The following CHL1 variants were observed in gnomAD, a reference collection of about 807,000 sequenced individuals.
The protein encoded by CHL1 is neural cell adhesion molecule L1-like protein.
CHL1 carries 96 observed loss-of-function variants against 141.9 expected under a neutral mutation model. That is an observed-to-expected ratio of 0.68 (90% CI 0.57 to 0.80). The LOEUF (loss-of-function observed/expected upper bound fraction) is 0.80. Ranked by LOEUF, CHL1 falls within the 30% of genes least tolerant of loss-of-function variation. CHL1 has a pLI of 0.00. For synonymous variants in CHL1, 613 were observed against 502.2 expected (o/e 1.22, Z -2.95); for missense variants, 1,820 against 1,457.2 (o/e 1.25, Z -4.05).
At chr3:352,366 G>GT (rs1431447164) in intron 10 of CHL1, among the ~76,000 whole-genome samples, 4 of 151,896 alleles carry the variant, frequency 2.6e-5, no homozygotes, top group South Asian at 2.1e-4. Flanking sequence ...GTTTTATTTT[G>GT]TTTTTTTCCT....
At chr3:367,071 T>G (rs923072226) in intron 15 of CHL1, among the ~76,000 whole-genome samples, 7 of 152,140 alleles carry the variant, frequency 4.6e-5, no homozygotes, top group Non-Finnish European at 8.8e-5. Flanking sequence ...AAAGAGAACA[T>G]ATAGAGGAAA....
At position 231,988 on chromosome 3, in the gene CHL1, C is replaced by G. The variant is rs543654526; in HGVS notation, c.-174-12625C>G. Among the ~76,000 whole-genome samples, 27 of 152,194 alleles carry G rather than the reference C, an allele frequency of 1.8e-4. No homozygotes were observed. In the South Asian group the frequency reaches 3.3e-3, roughly 19 times the overall value. ...TAATGAATGGTTTCCAACATTTTGA[C>G]TCTCCTCATGTTAAAAAATCTCTGG... On this transcript the variant is annotated intron_variant, in intron 1 of 27. Transcript: ENST00000256509.
intron 2 of CHL1, among the ~76,000 whole-genome samples, chr3:291,098 G>T (rs1697651995): frequency 1.3e-5 from 2 of 151,872 alleles, no homozygotes; most frequent in Non-Finnish European, 2.9e-5. Flanking sequence ...CTTTTTTGCT[G>T]TAAACCAGGG....
At chr3:315,115 T>C (rs1033247757) in intron 2 of CHL1, among the ~76,000 whole-genome samples, 1 of 152,176 alleles carries the variant, frequency 6.6e-6, no homozygotes, top group African/African-American at 2.4e-5. Context: ...ATATCCTCAT[T>C]GCCACTATCA....
intron 5 of CHL1, among the ~76,000 whole-genome samples, chr3:329,154 G>A (rs544970804): frequency 1.8e-4 from 27 of 152,022 alleles, no homozygotes; most frequent in South Asian, 6.2e-4. Flanking sequence ...ATTTTATCAC[G>A]TTTTCCCCCT....
intron 16 of CHL1, among the ~76,000 whole-genome samples, chr3:381,510 T>C (rs1707038611): frequency 6.6e-6 from 1 of 152,148 alleles, no homozygotes; most frequent in Non-Finnish European, 1.5e-5. Context: ...GGAGAGCAAA[T>C]GCTATAGGCA....
In CHL1 at chr3:291,024, A is replaced by G. The variant is rs138782354; in HGVS notation, c.-94-28659A>G. On this transcript the variant is annotated intron_variant, in intron 2 of 27. Coordinates refer to ENST00000256509, the MANE Select transcript of CHL1 (RefSeq NM_006614.4). ...TATTTTGAGGATTTTAATTTTGCTT[A>G]ATAACATAGTCATTGAAATTAATTT... Among the ~76,000 whole-genome samples the G allele has an allele frequency of 6.0e-4, 92 of 152,188 alleles. 1 individual carries two copies. Among genetic ancestry groups the G allele is most frequent in the Admixed American group, 4.4e-3 (67 of 15,292 alleles).
At chr3:226,716 A>G (rs577700113) in intron 1 of CHL1, among the ~76,000 whole-genome samples, 1 of 152,054 alleles carries the variant, frequency 6.6e-6, no homozygotes, top group Non-Finnish European at 1.5e-5. Flanking sequence ...CAAAGTGCTG[A>G]GATTACAGGC....
At chr3:322,165 A>T (rs1700612043) in intron 3 of CHL1, among the ~76,000 whole-genome samples, 1 of 152,134 alleles carries the variant, frequency 6.6e-6, no homozygotes, top group Admixed American at 6.6e-5. Context: ...GTAGTCAGAA[A>T]CAAAGTAAAT....
At chr3:354,834 G>A (rs1416983027) in intron 11 of CHL1, 63 bp downstream of exon 11, 13 of 1,579,940 alleles carry the variant, frequency 8.2e-6, no homozygotes, top group Non-Finnish European at 1.1e-5. Flanking sequence ...ATTAATGATG[G>A]TCAGACGTGT....
intron 1 of CHL1, among the ~76,000 whole-genome samples, chr3:223,466 G>T (rs553209757): frequency 3.9e-5 from 6 of 152,258 alleles, no homozygotes; most frequent in African/African-American, 1.2e-4. Flanking sequence ...CTGCAACTGT[G>T]TAAGGAATAA....
chr3:232,366 T>C (rs1300311869), intron 1 of CHL1, among the ~76,000 whole-genome samples: 2 of 152,206 alleles, frequency 1.3e-5, no homozygotes, highest in Non-Finnish European at 1.5e-5. Context: ...TTTGTACCTT[T>C]TCTACCTTGC....
At chr3:344,826 T>A in intron 9 of CHL1, 117 bp downstream of exon 9, 2 of 1,099,598 alleles carry the variant, frequency 1.8e-6, no homozygotes, top group Non-Finnish European at 1.3e-6. Context: ...CTTAAAAAAA[T>A]TAAATTCTGC....
At chr3:340,992 A>G in intron 6 of CHL1, 76 bp downstream of exon 6, 1 of 1,421,448 alleles carries the variant, frequency 7.0e-7, no homozygotes. Context: ...TAATGAATCC[A>G]AAGACAAAAT....
intron 2 of CHL1, among the ~76,000 whole-genome samples, chr3:274,801 A>T (rs1390996239): frequency 6.6e-6 from 1 of 152,170 alleles, no homozygotes; most frequent in Non-Finnish European, 1.5e-5. Flanking sequence ...TGTTTCTTTT[A>T]TCTGTATAAT....
In CHL1 at chr3:349,530, C is replaced by A. The variant is rs754600608; in HGVS notation, c.1020C>A (p.His340Gln). Reference protein sequence around the residue: ...NFLGTATHDFHVIVEEPPRWT... With the variant: ...NFLGTATHDFQVIVEEPPRWT... ...TGGGAACAGCCACTCACGATTTTCA[C>A]GTTATAGTAGAAGGTACCTTTCCCA... The change falls in exon 10 of 28, where the codon CAC becomes CAA. Residue 340 changes from histidine to glutamine, a missense_variant. Transcript: ENST00000256509. 1.2e-6 allele frequency: 2 copies of A among 1,613,018 alleles called. No individual in the cohort carries two copies. The highest frequency in any genetic ancestry group is 2.2e-5 in the East Asian group (1 of 44,858).
At chr3:349,666 T>C in intron 10 of CHL1, 123 bp downstream of exon 10, 1 of 792,434 alleles carries the variant, frequency 1.3e-6, no homozygotes, top group East Asian at 2.5e-5. Flanking sequence ...TTAATTGTAG[T>C]GCGGGCATTG....
intron 2 of CHL1, among the ~76,000 whole-genome samples, chr3:277,435 C>G (rs761937288): frequency 6.6e-6 from 1 of 152,100 alleles, no homozygotes; most frequent in Non-Finnish European, 1.5e-5. Context: ...ACATTAAAAT[C>G]CTTAATTTGA....
At chr3:405,255 G>T (rs978984552) in intron 27 of CHL1, among the ~76,000 whole-genome samples, 1 of 152,108 alleles carries the variant, frequency 6.6e-6, no homozygotes, top group Non-Finnish European at 1.5e-5. Flanking sequence ...AAGCACAAAT[G>T]TTGTGAATAA....
Sources: gnomAD v4.1 joint callset for allele counts (sites outside exome capture counted in the v4.1 genomes callset) on GRCh38, gnomAD v4.1.1 for gene constraint, MANE v1.5 for transcripts, NCBI Gene and HGNC (gene_info 2026-07-23, HGNC 2026-07-21) for gene names.